Variants in PCDH15 observed in about 807,000 individuals in gnomAD.
PCDH15 encodes protocadherin-15.
In PCDH15, 129 loss-of-function variants were observed where a neutral mutation model predicts 178.5. The ratio of observed to expected loss-of-function variants is 0.72; its 90% CI spans 0.63 to 0.84. The LOEUF is 0.84. Ranked by LOEUF, PCDH15 falls within the 40% of genes least tolerant of loss-of-function variation. The probability of loss-of-function intolerance (pLI) is 0.00; values close to 1 mark genes in which losing one functional copy is unlikely to be tolerated. For missense variants in PCDH15, 2,230 were observed against 2,099.9 expected (o/e 1.06, Z -1.21); for synonymous variants, 800 against 732.0 (o/e 1.09, Z -1.50).
intron 1 of PCDH15, among the ~76,000 whole-genome samples, chr10:55,275,710 T>G (rs1412478085): frequency 1.3e-5 from 2 of 151,592 alleles, no homozygotes; most frequent in East Asian, 3.9e-4. Flanking sequence ...TCTCTCTTTT[T>G]TTTTTTTTCC....
chr10:54,693,305 T>C (rs972136020), intron 1 of PCDH15, among the ~76,000 whole-genome samples: 3 of 152,060 alleles, frequency 2.0e-5, no homozygotes, highest in African/African-American at 7.2e-5. Context: ...TATGAGTAAA[T>C]GAGCCCTTTA....
chr10:55,146,766 T>C (rs1396843873), intron 2 of PCDH15, among the ~76,000 whole-genome samples: 1 of 151,876 alleles, frequency 6.6e-6, no homozygotes, highest in Non-Finnish European at 1.5e-5. Context: ...GTTTATGAGA[T>C]GTATAAATAT....
At chr10:55,544,092 A>G (rs1808956426) in intron 2 of PCDH15, among the ~76,000 whole-genome samples, 1 of 144,880 alleles carries the variant, frequency 6.9e-6, no homozygotes, top group Non-Finnish European at 1.5e-5. Flanking sequence ...ATGCAGATCA[A>G]CTGAGTTTAA....
chr10:54,467,888 A>G (rs1249048373), intron 3 of PCDH15, among the ~76,000 whole-genome samples: 1 of 151,672 alleles, frequency 6.6e-6, no homozygotes, highest in Non-Finnish European at 1.5e-5. Context: ...TTCCTAATTC[A>G]ATATTGGCAG....
At chr10:54,111,989 A>G (rs1239976355) in intron 15 of PCDH15, among the ~76,000 whole-genome samples, 2 of 73,528 alleles carry the variant, frequency 2.7e-5, no homozygotes, top group Non-Finnish European at 5.2e-5. Flanking sequence ...AAAAAAAAAC[A>G]AAACTTAGCT....
At chr10:54,504,932 G>A (rs913388610) in intron 3 of PCDH15, among the ~76,000 whole-genome samples, 6 of 152,038 alleles carry the variant, frequency 3.9e-5, no homozygotes, top group Non-Finnish European at 7.4e-5. Flanking sequence ...GATTTATAAT[G>A]TCAATTATTA....
intron 9 of PCDH15, among the ~76,000 whole-genome samples, chr10:54,219,677 A>G (rs2052568654): frequency 6.6e-6 from 1 of 151,356 alleles, no homozygotes; most frequent in South Asian, 2.1e-4. Flanking sequence ...GTCCCCTTGC[A>G]TCTCTCCCTT....
At chr10:54,605,354 G>A (rs1017994877) in intron 2 of PCDH15, among the ~76,000 whole-genome samples, 2 of 151,748 alleles carry the variant, frequency 1.3e-5, no homozygotes, top group Admixed American at 1.3e-4. Flanking sequence ...CTCAGCTTTC[G>A]ATTTTTTTAA....
intron 26 of PCDH15, among the ~76,000 whole-genome samples, chr10:53,890,278 T>A (rs1035635592): frequency 4.6e-5 from 7 of 152,070 alleles, no homozygotes; most frequent in Non-Finnish European, 8.8e-5. Flanking sequence ...ATACAAAAAA[T>A]TAGCTAGACT....
intron 3 of PCDH15, among the ~76,000 whole-genome samples, chr10:54,419,028 A>G (rs945907230): frequency 5.9e-5 from 9 of 152,016 alleles, no homozygotes; most frequent in Non-Finnish European, 1.3e-4. Context: ...ATCAATAAAA[A>G]TTTTATTATA....
intron 1 of PCDH15, among the ~76,000 whole-genome samples, chr10:55,299,482 T>G (rs568290215): frequency 1.3e-3 from 197 of 152,326 alleles, no homozygotes; most frequent in Middle Eastern, 3.4e-3. Context: ...AGTGTTGACC[T>G]GGTTAATAGA....
intron 3 of PCDH15, among the ~76,000 whole-genome samples, chr10:54,390,642 C>G (rs1950444700): frequency 6.6e-6 from 1 of 152,092 alleles, no homozygotes; most frequent in African/African-American, 2.4e-5. Flanking sequence ...TAAAAAAGAT[C>G]TTATATTCCT....
chr10:54,056,475 G>C (rs529196311), intron 18 of PCDH15, among the ~76,000 whole-genome samples: 335 of 152,302 alleles, frequency 2.2e-3, no homozygotes, highest in South Asian at 0.012. Context: ...AGGCAGGAGA[G>C]AGCTTGTGCA....
At chr10:54,955,409 C>T (rs931142203) in intron 2 of PCDH15, among the ~76,000 whole-genome samples, 5 of 151,102 alleles carry the variant, frequency 3.3e-5, no homozygotes, top group Admixed American at 1.3e-4. Context: ...AGCATTTCTC[C>T]AAATGGTGAT....
At chr10:53,881,569 A>T (rs957433094) in intron 26 of PCDH15, among the ~76,000 whole-genome samples, 10 of 152,202 alleles carry the variant, frequency 6.6e-5, no homozygotes, top group Non-Finnish European at 1.3e-4. Flanking sequence ...TACACATAAT[A>T]AAATTTATCT....
At chr10:55,543,456 C>T (rs369415593) in intron 2 of PCDH15, among the ~76,000 whole-genome samples, 2 of 150,606 alleles carry the variant, frequency 1.3e-5, no homozygotes, top group East Asian at 3.9e-4. Context: ...CATAGAAATG[C>T]TGAATAGTAG....
chr10:54,090,017 C>A lies in PCDH15; in HGVS notation c.1964G>T (p.Gly655Val). Reference sequence around the variant, plus strand: ...AAGATTAAAAACTCTCTGAGGATCTCCATTCTCAATGGCATATGTTATTGA... The same window carrying A: ...AAGATTAAAAACTCTCTGAGGATCTACATTCTCAATGGCATATGTTATTGA... Reference protein sequence around the residue: ...GDSITYAIENGDPQRVFNLSE... With the variant: ...GDSITYAIENVDPQRVFNLSE... The change falls in exon 16 of 38, where the codon GGA (glycine) becomes GTA (valine). Residue 655 changes from glycine to valine, a missense_variant. Coordinates refer to ENST00000644397, the MANE Select transcript of PCDH15 (RefSeq NM_001384140.1). 6.2e-7 allele frequency: 1 copy of A among 1,612,512 alleles called. No homozygotes were observed. The highest frequency in any genetic ancestry group is 8.5e-7 in the Non-Finnish European group (1 of 1,178,930).
intron 11 of PCDH15, among the ~76,000 whole-genome samples, chr10:54,192,655 T>C (rs2049157558): frequency 6.6e-6 from 1 of 152,112 alleles, no homozygotes; most frequent in African/African-American, 2.4e-5. Context: ...AAACTACATA[T>C]GATATTTTTA....
At chr10:53,974,743 A>AC (rs1249116196) in intron 21 of PCDH15, among the ~76,000 whole-genome samples, 1 of 151,640 alleles carries the variant, frequency 6.6e-6, no homozygotes, top group Admixed American at 6.6e-5. Flanking sequence ...AGTGATGGCG[A>AC]CCACAGGCGC....
Sources: allele counts gnomAD v4.1 joint callset (sites outside exome capture counted in the v4.1 genomes callset), GRCh38; gene constraint gnomAD v4.1.1; transcripts MANE v1.5; gene names NCBI Gene and HGNC (gene_info 2026-07-23, HGNC 2026-07-21).